The following SH3GL2 variants were observed in gnomAD, a reference collection of about 807,000 sequenced individuals.
The protein encoded by SH3GL2 is endophilin-A1.
SH3GL2 carries 24 observed loss-of-function variants against 46.0 expected under a neutral mutation model. The observed-to-expected ratio is 0.52, with a 90% confidence interval of 0.38 to 0.73. The LOEUF is 0.73. SH3GL2 is among the 30% of genes least tolerant of loss of function. The probability of loss-of-function intolerance (pLI) is 0.00; values close to 1 mark genes in which losing one functional copy is unlikely to be tolerated. For synonymous variants in SH3GL2, 196 were observed against 147.1 expected (o/e 1.33, Z -2.40); for missense variants, 413 against 424.2 (o/e 0.97, Z 0.23).
rs184316821 is a variant in SH3GL2 at position 17,634,072 on chromosome 9, G to A, written c.45+54785G>A. Among the ~76,000 whole-genome samples, 3 of 152,330 alleles carry A rather than the reference G, an allele frequency of 2.0e-5. No individual in the cohort carries two copies. The East Asian group carries it at 5.8e-4, about 29-fold the overall frequency. ...GTAAAGAATGCTGGTTCTGGACTCAGACTCTTGATGTGGAGTCCTGGCTGG... is the reference window on the plus strand; with the variant it reads ...GTAAAGAATGCTGGTTCTGGACTCAAACTCTTGATGTGGAGTCCTGGCTGG... On this transcript the variant is annotated intron_variant, in intron 1 of 8. Transcript: ENST00000380607.
chr9:17,744,234 A>G (rs1424947539), intron 1 of SH3GL2, among the ~76,000 whole-genome samples: 2 of 152,212 alleles, frequency 1.3e-5, no homozygotes, highest in Non-Finnish European at 2.9e-5. Context: ...GAGCAAAATG[A>G]GAGATAGGGA....
chr9:17,661,196 G>A (rs1306528483), intron 1 of SH3GL2, among the ~76,000 whole-genome samples: 6 of 151,728 alleles, frequency 4.0e-5, no homozygotes, highest in Non-Finnish European at 5.9e-5. Context: ...CAAAATTAAT[G>A]TTCAGCGTTG....
intron 1 of SH3GL2, among the ~76,000 whole-genome samples, chr9:17,594,639 A>G (rs922518211): frequency 6.6e-6 from 1 of 151,958 alleles, no homozygotes; most frequent in African/African-American, 2.4e-5. Flanking sequence ...TGGAACTTAA[A>G]GTAAAATAAA....
chr9:17,745,563 C>T (rs1822659492), intron 1 of SH3GL2, among the ~76,000 whole-genome samples: 1 of 152,116 alleles, frequency 6.6e-6, no homozygotes, highest in South Asian at 2.1e-4. Context: ...ATCTGGTATG[C>T]AGGGCCAGAG....
chr9:17,660,635 T>C (rs1820190968), intron 1 of SH3GL2, among the ~76,000 whole-genome samples: 3 of 152,212 alleles, frequency 2.0e-5, no homozygotes, highest in Admixed American at 2.0e-4. Flanking sequence ...CAGTGGGCTG[T>C]ATGATCTCAG....
At chr9:17,641,359 A>G (rs559603068) in intron 1 of SH3GL2, among the ~76,000 whole-genome samples, 1 of 152,328 alleles carries the variant, frequency 6.6e-6, no homozygotes, top group Admixed American at 6.5e-5. Flanking sequence ...TTCAAATTAT[A>G]GTTTTTTTAA....
rs1824280385 is a variant in SH3GL2 at position 17,796,655 on chromosome 9, T to C, written c.*912T>C. The C allele has an allele frequency of 6.5e-6, 1 of 152,672 alleles. No individual in the cohort carries two copies. The highest frequency in any genetic ancestry group is 2.4e-5 in the African/African-American group (1 of 41,464). 9.5% of individuals were successfully genotyped at this position (152,672 alleles called of 1,614,324 possible). ...AGGAAGAAAACACTAGTAACCATCTTTCCACTAGTTCATATACTGAGAAAC... is the reference window on the plus strand; with the variant it reads ...AGGAAGAAAACACTAGTAACCATCTCTCCACTAGTTCATATACTGAGAAAC... On this transcript the variant is annotated 3_prime_UTR_variant, in exon 9 of 9. Transcript: ENST00000380607.
chr9:17,694,932 C>A (rs768275446), intron 1 of SH3GL2, among the ~76,000 whole-genome samples: 27 of 148,854 alleles, frequency 1.8e-4, no homozygotes, highest in Admixed American at 4.7e-4. Flanking sequence ...TTAGGTGATA[C>A]CTTGCACAGC....
At chr9:17,652,810 A>G (rs185278894) in intron 1 of SH3GL2, among the ~76,000 whole-genome samples, 22 of 152,296 alleles carry the variant, frequency 1.4e-4, no homozygotes, top group Admixed American at 1.3e-3. Flanking sequence ...GAATTATCCA[A>G]TGAAAATAGT....
intron 1 of SH3GL2, among the ~76,000 whole-genome samples, chr9:17,718,279 G>A (rs768649567): frequency 7.9e-5 from 12 of 152,072 alleles, no homozygotes; most frequent in Non-Finnish European, 4.4e-5. Context: ...ACTTCTTATC[G>A]TGATTTATCA....
At chr9:17,656,958 A>G (rs1186551264) in intron 1 of SH3GL2, among the ~76,000 whole-genome samples, 1 of 152,144 alleles carries the variant, frequency 6.6e-6, no homozygotes, top group East Asian at 1.9e-4. Context: ...TTCAGAAAAA[A>G]AAATCACTGG....
chr9:17,759,782 T>C (rs567533495), intron 2 of SH3GL2, among the ~76,000 whole-genome samples: 1 of 152,148 alleles, frequency 6.6e-6, no homozygotes, highest in African/African-American at 2.4e-5. Flanking sequence ...ATGGCACTCT[T>C]TTTTAGAAAC....
intron 6 of SH3GL2, 102 bp downstream of exon 6, chr9:17,789,652 A>G (rs112500303): frequency 7.2e-6 from 11 of 1,526,640 alleles, no homozygotes; most frequent in African/African-American, 5.5e-5. Context: ...TGATTACACT[A>G]TGTGATAAGA....
chr9:17,782,571 G>C (rs1823840768), intron 3 of SH3GL2, among the ~76,000 whole-genome samples: 1 of 152,104 alleles, frequency 6.6e-6, no homozygotes, highest in Non-Finnish European at 1.5e-5. Context: ...TTAGTGTGAA[G>C]GAAAAGCAGG....
intron 7 of SH3GL2, among the ~76,000 whole-genome samples, chr9:17,792,126 A>G (rs539885591): frequency 7.2e-5 from 11 of 152,326 alleles, no homozygotes; most frequent in African/African-American, 2.6e-4. Context: ...AGCTGATCAC[A>G]TGGCTGCCTG....
chr9:17,690,287 C>T (rs1677795662), intron 1 of SH3GL2, among the ~76,000 whole-genome samples: 1 of 152,058 alleles, frequency 6.6e-6, no homozygotes, highest in South Asian at 2.1e-4. Context: ...TTCAGCATTC[C>T]CCCGGGCGAG....
chr9:17,590,426 A>T (rs914332613), intron 1 of SH3GL2: 3 of 152,208 alleles, frequency 2.0e-5, no homozygotes, highest in African/African-American at 7.2e-5. Context: ...TGAACCTTGC[A>T]CTTAAGTTCT....
At chr9:17,723,878 G>T (rs1411696640) in intron 1 of SH3GL2, among the ~76,000 whole-genome samples, 1 of 151,976 alleles carries the variant, frequency 6.6e-6, no homozygotes, top group Non-Finnish European at 1.5e-5. Context: ...TTATTGTGAT[G>T]CCATCATTAC....
intron 1 of SH3GL2, among the ~76,000 whole-genome samples, chr9:17,736,910 C>G (rs1377675288): frequency 1.3e-5 from 2 of 151,926 alleles, no homozygotes; most frequent in Non-Finnish European, 2.9e-5. Context: ...AGGATGTGAA[C>G]AGAGCAGGAC....
Sources: gnomAD v4.1 joint callset for allele counts (sites outside exome capture counted in the v4.1 genomes callset) on GRCh38, gnomAD v4.1.1 for gene constraint, MANE v1.5 for transcripts, NCBI Gene and HGNC (gene_info 2026-07-23, HGNC 2026-07-21) for gene names.